RANBP17: variants seen among roughly 807,000 people sequenced by gnomAD.
The protein encoded by RANBP17 is ran-binding protein 17.
RANBP17 carries 158 observed loss-of-function variants against 141.2 expected under a neutral mutation model. The observed-to-expected ratio is 1.12, with a 90% CI of 0.98 to 1.28. The LOEUF is 1.28. Ranked by LOEUF, RANBP17 falls within the 50% of genes most tolerant of loss-of-function variation. The pLI is 0.00. For synonymous variants in RANBP17, 430 were observed against 450.0 expected, an observed-to-expected ratio of 0.96 and a Z score of 0.56; for missense variants, 1,438 against 1,290.7, an observed-to-expected ratio of 1.11 and a Z score of -1.75.
At position 171,063,311 on chromosome 5, in the gene RANBP17, A is replaced by G. The variant is rs1318021410; in HGVS notation, c.1710+94934A>G. Among the ~76,000 whole-genome samples the G allele has an allele frequency of 5.9e-5, 9 of 152,130 alleles. No homozygotes were observed. The East Asian group carries it at 1.7e-3, about 29-fold the overall frequency. On this transcript the variant is annotated intron_variant, in intron 14 of 27. Coordinates refer to ENST00000523189, the MANE Select transcript of RANBP17 (RefSeq NM_022897.5). ...TGGTTTTATCTACTTTTGGTCTTTG[A>G]TGATGGTAATGTACAGATGGGTTTT...
chr5:171,206,083 A>G (rs1762561189), intron 20 of RANBP17: 1 of 280,968 alleles, frequency 3.6e-6, no homozygotes, highest in African/African-American at 2.2e-5. Context: ...TAAATAAGTC[A>G]AGGTTTGTCA....
Position 170,914,221 on chromosome 5 carries a change from CACCACT to C in RANBP17, c.818_823del (p.Pro273_Leu274del), listed in dbSNP as rs1450185258. On this transcript the variant is annotated inframe_deletion, in exon 8 of 28. Transcript: ENST00000523189. ...TTCTTCAATTTGTATCATTCACTTC[CACCACT>C]ACTATCTCAGTTAGTAAGTAAAAGT... 6.2e-7 allele frequency: 1 copy of C among 1,605,912 alleles called. No individual in the cohort carries two copies. Among genetic ancestry groups the C allele is most frequent in the African/African-American group, 1.3e-5 (1 of 74,712 alleles).
intron 12 of RANBP17, among the ~76,000 whole-genome samples, chr5:170,934,729 C>A (rs1773713487): frequency 6.6e-6 from 1 of 152,180 alleles, no homozygotes; most frequent in Non-Finnish European, 1.5e-5. Flanking sequence ...TCTCTAGCTG[C>A]CCTTAACATT....
chr5:170,878,309 C>T (rs1041654159), intron 2 of RANBP17, 66 bp downstream of exon 2: 14 of 1,318,738 alleles, frequency 1.1e-5, no homozygotes, highest in East Asian at 1.0e-4. Context: ...TTAATGAACT[C>T]GTGTGTTAGC....
chr5:171,043,018 G>T (rs7718787), intron 14 of RANBP17, among the ~76,000 whole-genome samples: 4,095 of 152,232 alleles, frequency 0.027, 170 homozygotes, highest in African/African-American at 0.092. Flanking sequence ...AGATATAGCT[G>T]ATGGTGTGTA....
chr5:171,189,799 T>C (rs1044924657), intron 18 of RANBP17, among the ~76,000 whole-genome samples: 1 of 152,220 alleles, frequency 6.6e-6, no homozygotes, highest in African/African-American at 2.4e-5. Flanking sequence ...TCTCACAAAC[T>C]AGGTTGACTG....
Position 170,951,809 on chromosome 5 carries a change from G to A in RANBP17, c.1469-1788G>A, listed in dbSNP as rs144408177. ...CAGTAAAACAAAGGATTATGGAGTTGTGAGATTCATCTTTGTAGATATTGA... is the reference window on the plus strand; with the variant it reads ...CAGTAAAACAAAGGATTATGGAGTTATGAGATTCATCTTTGTAGATATTGA... On this transcript the variant is annotated intron_variant, in intron 12 of 27. Transcript: ENST00000523189. 9.4e-4 allele frequency among the ~76,000 whole-genome samples: 143 copies of A among 152,132 alleles called. 2 individuals carry two copies. The highest frequency in any genetic ancestry group is 3.4e-3 in the African/African-American group (141 of 41,536).
chr5:171,211,628 GTTTTTT>G (rs1226824979), intron 20 of RANBP17, among the ~76,000 whole-genome samples: 2 of 126,138 alleles, frequency 1.6e-5, no homozygotes, highest in African/African-American at 2.9e-5. Flanking sequence ...TGAGGGCAGG[GTTTTTT>G]TTTTTTTTTT....
chr5:171,160,839 C>G (rs547346037), intron 14 of RANBP17, among the ~76,000 whole-genome samples: 1 of 152,206 alleles, frequency 6.6e-6, no homozygotes, highest in East Asian at 1.9e-4. Context: ...GTCGCCCAGG[C>G]TAGAATGCAA....
At chr5:171,156,781 A>G (rs943900010) in intron 14 of RANBP17, among the ~76,000 whole-genome samples, 16 of 152,098 alleles carry the variant, frequency 1.1e-4, no homozygotes, top group South Asian at 2.1e-4. Flanking sequence ...ATTTTGTGGG[A>G]AAAAAAGTCT....
chr5:171,144,629 G>C (rs995456238), intron 14 of RANBP17, among the ~76,000 whole-genome samples: 5 of 152,070 alleles, frequency 3.3e-5, no homozygotes, highest in Non-Finnish European at 7.4e-5. Context: ...GTCTTGTTTT[G>C]TTAAAGGTGT....
At chr5:171,236,183 C>T (rs1419959586) in intron 22 of RANBP17, among the ~76,000 whole-genome samples, 1 of 152,084 alleles carries the variant, frequency 6.6e-6, no homozygotes, top group Non-Finnish European at 1.5e-5. Context: ...CATAACTGCT[C>T]CTTCCAATGA....
At chr5:170,915,841 C>T (rs1771905498) in intron 8 of RANBP17, among the ~76,000 whole-genome samples, 1 of 151,646 alleles carries the variant, frequency 6.6e-6, no homozygotes, top group South Asian at 2.1e-4. Context: ...TGGTAGAAAA[C>T]CTGATTCATT....
At chr5:170,955,610 GCTCAGTGTATATA>G (rs1775600271) in intron 13 of RANBP17, among the ~76,000 whole-genome samples, 1 of 26,984 alleles carries the variant, frequency 3.7e-5, no homozygotes, top group African/African-American at 1.5e-4. Flanking sequence ...ATATATATAT[GCTCAGTGTATATA>G]TATATATATA....
intron 10 of RANBP17, 21 bp downstream of exon 10, chr5:170,918,880 A>T (rs2127435706): frequency 6.7e-7 from 1 of 1,503,364 alleles, no homozygotes; most frequent in African/African-American, 1.4e-5. Context: ...ATATGTAATT[A>T]TGTTAAACTG....
At chr5:170,996,065 G>A (rs1256627052) in intron 14 of RANBP17, among the ~76,000 whole-genome samples, 1 of 151,770 alleles carries the variant, frequency 6.6e-6, no homozygotes, top group African/African-American at 2.4e-5. Flanking sequence ...CTCATCTCAG[G>A]GCCTGTTATA....
intron 25 of RANBP17, among the ~76,000 whole-genome samples, 162 bp from the exon 26 acceptor site, chr5:171,293,721 C>T (rs889603304): frequency 2.6e-5 from 4 of 152,198 alleles, no homozygotes; most frequent in African/African-American, 4.8e-5. Context: ...ACAGTTTCTA[C>T]AGGCAGCCTT....
At chr5:171,188,217 C>T (rs1429001231) in intron 18 of RANBP17, among the ~76,000 whole-genome samples, 1 of 152,198 alleles carries the variant, frequency 6.6e-6, no homozygotes, top group East Asian at 1.9e-4. Context: ...GCAAAGAGAA[C>T]TATCTATAAA....
At chr5:170,895,573 G>A (rs1258499749) in intron 4 of RANBP17, among the ~76,000 whole-genome samples, 2 of 152,152 alleles carry the variant, frequency 1.3e-5, no homozygotes, top group Admixed American at 6.5e-5. Flanking sequence ...GATCCTATCT[G>A]ATATTAGAAC....
Sources: gnomAD v4.1 joint callset for allele counts (sites outside exome capture counted in the v4.1 genomes callset) on GRCh38, gnomAD v4.1.1 for gene constraint, MANE v1.5 for transcripts, NCBI Gene and HGNC (gene_info 2026-07-23, HGNC 2026-07-21) for gene names.